The following ZNF644 variants were observed in gnomAD, a reference collection of about 807,000 sequenced individuals.
ZNF644 encodes the protein zinc finger motif enhancer binding protein 2.
A neutral mutation model predicts 108.0 loss-of-function variants in ZNF644; 20 were observed. That is an observed-to-expected ratio of 0.19 (90% CI 0.13 to 0.27). ZNF644 has a LOEUF of 0.27. Ranked by LOEUF, ZNF644 falls within the 10% of genes least tolerant of loss-of-function variation. The probability of loss-of-function intolerance (pLI) is 1.00; values close to 1 mark genes in which losing one functional copy is unlikely to be tolerated. For synonymous variants in ZNF644, 542 were observed against 539.1 expected, an observed-to-expected ratio of 1.01 and a Z score of -0.08; for missense variants, 1,338 against 1,548.9, an observed-to-expected ratio of 0.86 and a Z score of 2.29.
chr1:90,919,747 G>A (rs1449465843), intron 4 of ZNF644, among the ~76,000 whole-genome samples: 1 of 152,046 alleles, frequency 6.6e-6, no homozygotes. Flanking sequence ...CTCGCATGTA[G>A]TAGGAACTCA....
At chr1:91,007,042 G>A (rs1263766354) in intron 1 of ZNF644, among the ~76,000 whole-genome samples, 1 of 151,680 alleles carries the variant, frequency 6.6e-6, no homozygotes, top group East Asian at 1.9e-4. Context: ...CCTTCTTTGT[G>A]CTCCATTCCT....
At chr1:90,935,626 T>C (rs1651231590) in intron 4 of ZNF644, 6 of 866,850 alleles carry the variant, frequency 6.9e-6, no homozygotes, top group Non-Finnish European at 8.3e-6. Context: ...ATAAAGATGG[T>C]TTTCAAAACG....
At chr1:91,007,606 C>T (rs373335470) in intron 1 of ZNF644, among the ~76,000 whole-genome samples, 5 of 152,090 alleles carry the variant, frequency 3.3e-5, no homozygotes, top group Non-Finnish European at 2.9e-5. Context: ...TGTCCTCCTC[C>T]GTGGGAGTTT....
At position 91,002,052 on chromosome 1, in the gene ZNF644, T is replaced by C. The variant is rs528356699; in HGVS notation, c.-17-19682A>G. Among the ~76,000 whole-genome samples the C allele has an allele frequency of 3.3e-4, 51 of 152,244 alleles. No individual in the cohort carries two copies. The South Asian group carries it at 1.0e-2, about 30-fold the overall frequency. ...GAGGACACAAACAAATGGAAGAACA[T>C]TCCATGCTCATGGATAGGAAGAATC... On this transcript the variant is annotated intron_variant, in intron 1 of 5. Coordinates refer to ENST00000337393, the MANE Select transcript of ZNF644 (RefSeq NM_201269.3).
At chr1:91,018,199 AG>A (rs1660593989) in intron 1 of ZNF644, among the ~76,000 whole-genome samples, 1 of 152,194 alleles carries the variant, frequency 6.6e-6, no homozygotes, top group African/African-American at 2.4e-5. Context: ...TTAGCCAACC[AG>A]CAGGGTGAGC....
chr1:90,940,300 C>G lies in ZNF644; in HGVS notation c.1054G>C (p.Glu352Gln), dbSNP rs759939447. ...LSKVKPESTD[E>Q]DLESVDAFQH... ...AAGGCATCCACAGATTCTAAGTCTT[C>G]ATCAGTTGATTCAGGCTTCACTTTT... is the stretch of plus-strand genomic sequence containing the variant. Residue 352 changes from glutamate to glutamine, a missense_variant, in exon 3 of 6, where the codon GAA (glutamate) becomes CAA (glutamine). This residue lies in a region of ZNF644 where 464 missense variants were observed against 457.9 expected (regional missense o/e 1.01). Coordinates refer to ENST00000337393, the MANE Select transcript of ZNF644 (RefSeq NM_201269.3). 6.2e-7 allele frequency: 1 copy of G among 1,613,968 alleles called. No individual in the cohort carries two copies. The highest frequency in any genetic ancestry group is 8.5e-7 in the Non-Finnish European group (1 of 1,179,936).
chr1:90,982,735 T>C (rs1455402384), intron 1 of ZNF644, among the ~76,000 whole-genome samples: 2 of 152,128 alleles, frequency 1.3e-5, no homozygotes, highest in African/African-American at 4.8e-5. Context: ...TATTTAATAT[T>C]ATGTACATAT....
intron 4 of ZNF644, among the ~76,000 whole-genome samples, chr1:90,920,355 C>G (rs993567138): frequency 1.3e-5 from 2 of 151,896 alleles, no homozygotes; most frequent in African/African-American, 4.8e-5. Flanking sequence ...AAAATTTGTT[C>G]ACAGAATGTT....
chr1:91,020,973 CA>C (rs1660853719), intron 1 of ZNF644: 1 of 152,186 alleles, frequency 6.6e-6, no homozygotes, highest in Admixed American at 6.5e-5. Context: ...TATTCAAAGT[CA>C]ATATTCAAGA....
At chr1:90,999,068 T>G (rs1658481660) in intron 1 of ZNF644, among the ~76,000 whole-genome samples, 1 of 152,206 alleles carries the variant, frequency 6.6e-6, no homozygotes, top group South Asian at 2.1e-4. Flanking sequence ...TACGCCTGAT[T>G]GGTGTACCTT....
At chr1:90,928,460 G>A (rs13376464) in intron 4 of ZNF644, among the ~76,000 whole-genome samples, 1,915 of 151,710 alleles carry the variant, frequency 0.013, 39 homozygotes, top group African/African-American at 0.044. Context: ...TGGGATTACA[G>A]GCGCATACCA....
chr1:90,965,061 G>C (rs1654717772), intron 2 of ZNF644, among the ~76,000 whole-genome samples: 1 of 152,174 alleles, frequency 6.6e-6, no homozygotes, highest in African/African-American at 2.4e-5. Context: ...TGGGGAAGGA[G>C]TGAGGAGAGT....
At chr1:90,968,424 C>T (rs563943294) in intron 2 of ZNF644, among the ~76,000 whole-genome samples, 2 of 152,154 alleles carry the variant, frequency 1.3e-5, no homozygotes, top group South Asian at 2.1e-4. Context: ...TAATATATTT[C>T]GGTTTTGGGG....
In ZNF644 at chr1:90,999,377, T is replaced by G. The variant is rs564633733; in HGVS notation, c.-17-17007A>C. 1.2e-4 allele frequency among the ~76,000 whole-genome samples: 19 copies of G among 152,296 alleles called. No individual in the cohort carries two copies. The East Asian group carries it at 2.7e-3, about 22-fold the overall frequency. On this transcript the variant is annotated intron_variant, in intron 1 of 5. Coordinates refer to ENST00000337393, the MANE Select transcript of ZNF644 (RefSeq NM_201269.3). ...AACTCTACAAGCCAGAAGAGAGTGG[T>G]GGCAAATATTCAACATTCTTAACAA...
chr1:90,947,750 T>A (rs182740240), intron 2 of ZNF644, among the ~76,000 whole-genome samples: 1 of 152,168 alleles, frequency 6.6e-6, no homozygotes, highest in African/African-American at 2.4e-5. Flanking sequence ...AATAAACCCA[T>A]GATAAATGGA....
chr1:90,940,186 TC>T lies in ZNF644; in HGVS notation c.1167del (p.Lys390AsnfsTer28). 1 of 1,614,028 alleles carries T rather than the reference TC, an allele frequency of 6.2e-7. No homozygotes were observed. The highest frequency in any genetic ancestry group is 8.5e-7 in the Non-Finnish European group (1 of 1,179,938). On this transcript the variant is annotated frameshift_variant, in exon 3 of 6. Transcript: ENST00000337393. LOFTEE classifies it high-confidence loss of function. Reference protein sequence around the residue: ...TSTFLSNTLKKKCEESDSESP... With the variant: ...TSTFLSNTLKXKCEESDSESP... ...GACTCAGAATCACTCTCTTCACATT[TC>T]TTTTTTAAGGTATTTGAAAGAAAAG...
At chr1:90,920,740 GA>G (rs1196269775) in intron 4 of ZNF644, among the ~76,000 whole-genome samples, 2 of 151,948 alleles carry the variant, frequency 1.3e-5, no homozygotes, top group African/African-American at 4.8e-5. Context: ...ATCATCTCTA[GA>G]ACCCAGGGCT....
chr1:90,952,260 T>C (rs1423914783), intron 2 of ZNF644, among the ~76,000 whole-genome samples: 4 of 152,228 alleles, frequency 2.6e-5, no homozygotes, highest in African/African-American at 9.6e-5. Flanking sequence ...ATGAATTAAA[T>C]CTACAGTACA....
At chr1:90,968,082 AAT>A (rs1491074725) in intron 2 of ZNF644, among the ~76,000 whole-genome samples, 1 of 151,056 alleles carries the variant, frequency 6.6e-6, no homozygotes, top group African/African-American at 2.4e-5. Flanking sequence ...AAAAAAAAAA[AAT>A]CCAAGCTTAT....
Sources: allele counts gnomAD v4.1 joint callset (sites outside exome capture counted in the v4.1 genomes callset), GRCh38; gene constraint gnomAD v4.1.1; regional missense constraint gnomAD v4.1.1; transcripts MANE v1.5; gene names NCBI Gene and HGNC (gene_info 2026-07-23, HGNC 2026-07-21).